The following LARS1 variants were observed in gnomAD, a reference collection of about 807,000 sequenced individuals.
The protein encoded by LARS1 is leucyl-tRNA synthetase 1, also known as leucine--tRNA ligase, cytoplasmic.
Under a neutral mutation model 162.8 loss-of-function variants are expected in LARS1, and 100 were observed. That is an observed-to-expected ratio of 0.61 (90% CI 0.52 to 0.73). The LOEUF is 0.73. LARS1 is among the 30% of genes least tolerant of loss of function. The pLI is 0.00. For missense variants in LARS1, 1,258 were observed against 1,408.9 expected, an observed-to-expected ratio of 0.89 and a Z score of 1.71; for synonymous variants, 457 against 462.8, an observed-to-expected ratio of 0.99 and a Z score of 0.16.
intron 31 of LARS1, among the ~76,000 whole-genome samples, chr5:146,115,046 G>GGGAA (rs375865936): frequency 1.0e-5 from 1 of 97,650 alleles, no homozygotes; most frequent in Admixed American, 1.2e-4. Context: ...CTGTCGGGGG[G>GGGAA]AAAAAAAAAA....
At chr5:146,120,288 G>T in intron 31 of LARS1, 83 bp downstream of exon 31, 1 of 1,419,116 alleles carries the variant, frequency 7.0e-7, no homozygotes. Flanking sequence ...TAAGCAAGCC[G>T]GTTTCTTTTC....
chr5:146,128,605 T>C, intron 27 of LARS1, 67 bp downstream of exon 27: 1 of 1,083,688 alleles, frequency 9.2e-7, no homozygotes, highest in Non-Finnish European at 1.3e-6. Context: ...GCCAACATCC[T>C]AAAAACAAAA....
intron 10 of LARS1, among the ~76,000 whole-genome samples, chr5:146,156,767 C>G (rs1179461184): frequency 1.3e-5 from 2 of 149,762 alleles, no homozygotes; most frequent in African/African-American, 2.5e-5. Context: ...TCAACCAAGA[C>G]TTTCTTCACA....
At chr5:146,143,128 T>C in intron 19 of LARS1, 44 bp from the exon 20 acceptor site, 6 of 1,067,246 alleles carry the variant, frequency 5.6e-6, no homozygotes, top group Non-Finnish European at 7.6e-6. Context: ...TATATATATG[T>C]AATTTCTTTG....
Position 146,120,483 on chromosome 5 carries a change from C to G in LARS1, c.3213G>C (p.Leu1071=), listed in dbSNP as rs1751769397. ...GGCCATTGGATGGCTGGGGATTCAC[C>G]AGAGAAACGGACACACCAGGCTAGG... ...FRIEPGVSVS[L]VNPQPSNGHF... is the part of the protein sequence containing the mutation. Residue 1071 remains leucine (L), a synonymous_variant, in exon 31 of 32, where the codon CTG becomes CTC. Transcript: ENST00000394434. 2 of 1,612,760 alleles carry G rather than the reference C, an allele frequency of 1.2e-6. No individual in the cohort carries two copies. Among genetic ancestry groups the G allele is most frequent in the African/African-American group, 2.7e-5 (2 of 74,822 alleles).
At chr5:146,152,544 C>T (rs1327568300) in intron 13 of LARS1, among the ~76,000 whole-genome samples, 2 of 152,118 alleles carry the variant, frequency 1.3e-5, no homozygotes, top group African/African-American at 2.4e-5. Flanking sequence ...AATCTAATGC[C>T]TGATGATCTA....
chr5:146,174,484 CCATATATATATATA>C (rs1754429501), intron 2 of LARS1, among the ~76,000 whole-genome samples: 1 of 4,762 alleles, frequency 2.1e-4, no homozygotes, highest in Non-Finnish European at 5.6e-4. Flanking sequence ...ATATATATAT[CCATATATATATATA>C]TCCATATATA....
At chr5:146,136,088 G>A (rs1321163219) in intron 21 of LARS1, among the ~76,000 whole-genome samples, 1 of 152,182 alleles carries the variant, frequency 6.6e-6, no homozygotes, top group East Asian at 1.9e-4. Flanking sequence ...CTATCATTAG[G>A]GTCACAAAAA....
intron 2 of LARS1, among the ~76,000 whole-genome samples, chr5:146,177,183 A>G (rs913412617): frequency 1.3e-5 from 2 of 152,082 alleles, no homozygotes; most frequent in Non-Finnish European, 2.9e-5. Context: ...TACAATGCAC[A>G]GGGCCGGGCG....
intron 20 of LARS1, 33 bp downstream of exon 20, chr5:146,142,839 A>G: frequency 6.5e-7 from 1 of 1,540,600 alleles, no homozygotes; most frequent in South Asian, 1.1e-5. Flanking sequence ...TTGACAATCA[A>G]TAAATCTAGT....
chr5:146,168,352 G>T, intron 4 of LARS1, 87 bp from the exon 5 acceptor site: 1 of 1,432,224 alleles, frequency 7.0e-7, no homozygotes, highest in South Asian at 1.4e-5. Context: ...AACTAAAATT[G>T]ACTCTGAAAT....
At chr5:146,162,963 C>G (rs964550836) in intron 6 of LARS1, among the ~76,000 whole-genome samples, 6 of 152,200 alleles carry the variant, frequency 3.9e-5, no homozygotes, top group Non-Finnish European at 7.3e-5. Context: ...GAGCCCGCCA[C>G]CATACCCAGC....
In LARS1 at chr5:146,114,202, A is replaced by G. The variant is rs748584135; in HGVS notation, c.3435T>C (p.Ala1145=). The G allele has an allele frequency of 1.1e-5, 18 of 1,613,606 alleles. No homozygotes were observed. The highest frequency in any genetic ancestry group is 6.7e-5 in the Admixed American group (4 of 59,952). The change falls in exon 32 of 32, where the codon GCT becomes GCC. Residue 1145 remains alanine (A), a synonymous_variant. Coordinates refer to ENST00000394434, the MANE Select transcript of LARS1 (RefSeq NM_020117.11). ...TGCTCATGAGGTCCACATTGAAAAC[A>G]GCATGCTCAGAAATGGGGGTCTTCT... ...YTEKTPISEH[A]VFNVDLMSKK... is the part of the protein sequence containing the mutation.
intron 21 of LARS1, among the ~76,000 whole-genome samples, chr5:146,138,554 C>T (rs1752613281): frequency 6.6e-6 from 1 of 151,732 alleles, no homozygotes; most frequent in Non-Finnish European, 1.5e-5. Flanking sequence ...TACTGAAACC[C>T]TGTCTCTACT....
intron 5 of LARS1, 43 bp from the exon 6 acceptor site, chr5:146,164,514 A>G: frequency 6.3e-7 from 1 of 1,580,624 alleles, no homozygotes; most frequent in East Asian, 2.2e-5. Context: ...AAGAATAACC[A>G]ACACTCCAGG....
chr5:146,165,179 C>T (rs537507387), intron 5 of LARS1, among the ~76,000 whole-genome samples: 10 of 152,018 alleles, frequency 6.6e-5, no homozygotes, highest in Admixed American at 4.6e-4. Context: ...ACTAAAAATA[C>T]GAAAATTAGC....
chr5:146,177,680 G>T lies in LARS1; in HGVS notation c.7-15C>A. On this transcript the variant is annotated splice_polypyrimidine_tract_variant and intron_variant, in intron 1 of 31. Transcript: ENST00000394434. ...CCTTTTCTTTCCTATTGGACACAAA[G>T]AGAATAATCCACTCTGTATTTCAGC... 2 of 1,356,296 alleles carry T rather than the reference G, an allele frequency of 1.5e-6. No individual in the cohort carries two copies. Among genetic ancestry groups the T allele is most frequent in the Non-Finnish European group, 2.1e-6 (2 of 956,664 alleles). 84.0% of individuals were successfully genotyped at this position (1,356,296 alleles called of 1,614,324 possible).
chr5:146,121,683 G>A (rs377723830), intron 30 of LARS1, among the ~76,000 whole-genome samples: 1 of 152,124 alleles, frequency 6.6e-6, no homozygotes, highest in Non-Finnish European at 1.5e-5. Context: ...GTAGGGACAT[G>A]GATAAAGCTG....
In LARS1 at chr5:146,113,337, T is replaced by TAA. The variant is rs16742; in HGVS notation, c.*768_*769insTT. ...CCTTGGCCTCCCAAAGTGCTGGGAT[T>TAA]ATAGGTGTGAGCCACCACACCCGAC... On this transcript the variant is annotated 3_prime_UTR_variant, in exon 32 of 32. Transcript: ENST00000394434. 0.22 allele frequency: 33,758 copies of TAA among 151,940 alleles called. 4,787 individuals carry two copies. The highest frequency in any genetic ancestry group is 0.33 in the Admixed American group (5,103 of 15,242). 9.4% of individuals were successfully genotyped at this position (151,940 alleles called of 1,614,324 possible). A position where few individuals can be genotyped will look rare whatever the true frequency, so the allele number is the denominator to read the frequency against.
Sources: gnomAD v4.1 joint callset for allele counts (sites outside exome capture counted in the v4.1 genomes callset) on GRCh38, gnomAD v4.1.1 for gene constraint, MANE v1.5 for transcripts, NCBI Gene and HGNC (gene_info 2026-07-23, HGNC 2026-07-21) for gene names.